Variants in ALDH18A1 observed in about 807,000 individuals in gnomAD.
The protein encoded by ALDH18A1 is delta-1-pyrroline-5-carboxylate synthase.
A neutral mutation model predicts 88.8 loss-of-function variants in ALDH18A1; 44 were observed. The observed-to-expected ratio is 0.50, with a 90% CI of 0.39 to 0.64. The LOEUF (loss-of-function observed/expected upper bound fraction) is 0.64. ALDH18A1 is among the 30% of genes least tolerant of loss of function. The pLI is 0.00. For synonymous variants in ALDH18A1, 331 were observed against 372.1 expected (o/e 0.89, Z 1.27); for missense variants, 782 against 1,009.5 (o/e 0.77, Z 3.05).
intron 2 of ALDH18A1, among the ~76,000 whole-genome samples, chr10:95,643,652 T>G (rs1047918574): frequency 3.9e-5 from 6 of 152,260 alleles, no homozygotes; most frequent in Non-Finnish European, 7.3e-5. Flanking sequence ...CATGTTAATT[T>G]CATATACATG....
intron 12 of ALDH18A1, 86 bp downstream of exon 12, chr10:95,620,945 A>AG: frequency 3.7e-6 from 5 of 1,369,266 alleles, no homozygotes; most frequent in Non-Finnish European, 5.0e-6. Flanking sequence ...AAAAAAAAAA[A>AG]AAAAGAAAAG....
intron 12 of ALDH18A1, among the ~76,000 whole-genome samples, chr10:95,620,262 T>A (rs1223970964): frequency 6.6e-6 from 1 of 152,116 alleles, no homozygotes; most frequent in Non-Finnish European, 1.5e-5. Flanking sequence ...TAGAATGGCA[T>A]TCATTAAAAA....
chr10:95,643,972 C>T (rs1291123712), intron 2 of ALDH18A1, among the ~76,000 whole-genome samples: 4 of 152,094 alleles, frequency 2.6e-5, no homozygotes, highest in Non-Finnish European at 4.4e-5. Flanking sequence ...GGTGAAACCC[C>T]GTCTCTACTA....
intron 7 of ALDH18A1, chr10:95,628,946 T>G (rs2097864197): frequency 4.4e-6 from 1 of 225,352 alleles, no homozygotes; most frequent in Non-Finnish European, 8.9e-6. Context: ...TCATTAACTC[T>G]CACAGTACCC....
intron 7 of ALDH18A1, among the ~76,000 whole-genome samples, chr10:95,632,492 T>G (rs1298886528): frequency 6.6e-6 from 1 of 152,134 alleles, no homozygotes; most frequent in African/African-American, 2.4e-5. Flanking sequence ...CAGCCCCGAG[T>G]AGCTGGAACC....
Position 95,628,445 on chromosome 10 carries a change from T to C in ALDH18A1, c.856A>G (p.Ile286Val), listed in dbSNP as rs970950298. 33 of 1,613,944 alleles carry C rather than the reference T, an allele frequency of 2.0e-5. No individual in the cohort carries two copies. The highest frequency in any genetic ancestry group is 2.8e-5 in the Non-Finnish European group (33 of 1,179,986). The change falls in exon 8 of 18, where the codon ATA becomes GTA. Residue 286 changes from isoleucine to valine, a missense_variant. By Grantham distance (29) the Ile-to-Val change is conservative. Coordinates refer to ENST00000371224, the MANE Select transcript of ALDH18A1 (RefSeq NM_002860.4). ...PGSDDAKLIDIFYPGDQQSVT... is the reference protein window; with the variant it reads ...PGSDDAKLIDVFYPGDQQSVT... Reference sequence around the variant, plus strand: ...GACTGCTGATCTCCGGGATAAAATATATCAATAAGCTTTGCATCATCTGAA... The same window carrying C: ...GACTGCTGATCTCCGGGATAAAATACATCAATAAGCTTTGCATCATCTGAA...
intron 13 of ALDH18A1, among the ~76,000 whole-genome samples, chr10:95,615,254 C>G (rs1432228228): frequency 6.6e-6 from 1 of 151,650 alleles, no homozygotes; most frequent in Non-Finnish European, 1.5e-5. Flanking sequence ...ACTGCTTGAG[C>G]CTAGGAGGCT....
At chr10:95,641,968 T>G (rs953455636) in intron 3 of ALDH18A1, among the ~76,000 whole-genome samples, 4 of 152,168 alleles carry the variant, frequency 2.6e-5, no homozygotes, top group African/African-American at 4.8e-5. Context: ...AGACAGGGTC[T>G]CACTTTGTTG....
At position 95,632,984 on chromosome 10, in the gene ALDH18A1, G is replaced by T; in HGVS notation, c.783C>A (p.Leu261=). The change falls in exon 7 of 18, where the codon CTC becomes CTA. Residue 261 remains leucine, a synonymous_variant. Transcript: ENST00000371224. ...ARLAVEMKTD[L]LIVLSDVEGL... is the part of the protein sequence containing the mutation. ...CTTCTACATCTGAAAGAACAATCAA[G>T]AGATCAGTTTTCATTTCCACAGCCA... 6.2e-7 allele frequency: 1 copy of T among 1,614,174 alleles called. No homozygotes were observed. The highest frequency in any genetic ancestry group is 8.5e-7 in the Non-Finnish European group (1 of 1,180,014).
chr10:95,607,655 C>T (rs774197066), intron 17 of ALDH18A1, among the ~76,000 whole-genome samples: 3 of 152,078 alleles, frequency 2.0e-5, no homozygotes, highest in Non-Finnish European at 4.4e-5. Context: ...TTATAGCAGG[C>T]GAGGCAGCCA....
chr10:95,654,538 A>C (rs1237986409), intron 1 of ALDH18A1, among the ~76,000 whole-genome samples: 1 of 151,864 alleles, frequency 6.6e-6, no homozygotes, highest in Non-Finnish European at 1.5e-5. Context: ...GGATTGGTGG[A>C]TATATCCCAG....
At chr10:95,625,206 G>A (rs988775502) in intron 11 of ALDH18A1, among the ~76,000 whole-genome samples, 156 bp downstream of exon 11, 1 of 152,076 alleles carries the variant, frequency 6.6e-6, no homozygotes, top group South Asian at 2.1e-4. Flanking sequence ...GAGAATACCA[G>A]CCACCCACCT....
At chr10:95,620,259 GCA>G (rs2097850123) in intron 12 of ALDH18A1, among the ~76,000 whole-genome samples, 4 of 152,178 alleles carry the variant, frequency 2.6e-5, no homozygotes, top group Non-Finnish European at 5.9e-5. Context: ...TGTTAGAATG[GCA>G]TTCATTAAAA....
chr10:95,652,611 T>C (rs1589580472), intron 2 of ALDH18A1, among the ~76,000 whole-genome samples: 2 of 152,174 alleles, frequency 1.3e-5, no homozygotes, highest in South Asian at 4.1e-4. Flanking sequence ...GATGCACACC[T>C]GTAATCCCAG....
Position 95,613,969 on chromosome 10 carries a change from G to C in ALDH18A1, c.1798C>G (p.Leu600Val), listed in dbSNP as rs1755139847. The change falls in exon 14 of 18, where the codon CTA (leucine) becomes GTA (valine). Residue 600 changes from leucine to valine, a missense_variant. Around this residue, in one of 3 missense-constraint regions of ALDH18A1, gnomAD observed 556 missense variants for 654.5 expected, o/e 0.85. Transcript: ENST00000371224. Reference protein sequence around the residue: ...SEASVDKVTRLVRDSKCEYPA... With the variant: ...SEASVDKVTRVVRDSKCEYPA... Reference sequence around the variant, plus strand: ...GAGAAGACCCCATCCAGCTCACCTAGCCTGGTGACCTTATCAACACTGGCC... The same window carrying C: ...GAGAAGACCCCATCCAGCTCACCTACCCTGGTGACCTTATCAACACTGGCC... 1 of 1,614,198 alleles carries C rather than the reference G, an allele frequency of 6.2e-7. No individual in the cohort carries two copies. The highest frequency in any genetic ancestry group is 1.3e-5 in the African/African-American group (1 of 75,044).
chr10:95,606,958 G>A lies in ALDH18A1; in HGVS notation c.2207-15C>T, dbSNP rs2097823948. On this transcript the variant is annotated splice_polypyrimidine_tract_variant and intron_variant, in intron 17 of 17. Transcript: ENST00000371224. ...CACTTCAGCTCCTGTGAAAAAGCAT[G>A]AATAAAAGATGTAGCTTTTCCCAGC... 6.2e-7 allele frequency: 1 copy of A among 1,613,004 alleles called. No homozygotes were observed. Among genetic ancestry groups the A allele is most frequent in the Non-Finnish European group, 8.5e-7 (1 of 1,179,352 alleles).
chr10:95,642,279 G>T (rs2097893193), intron 3 of ALDH18A1, among the ~76,000 whole-genome samples: 1 of 152,096 alleles, frequency 6.6e-6, no homozygotes, highest in Admixed American at 6.6e-5. Flanking sequence ...CTTCTGCAGA[G>T]CTGTGTAGTT....
rs886047513 is a variant in ALDH18A1 at position 95,628,459 on chromosome 10, G to A, written c.842C>T (p.Ala281Val). ...GGGATAAAATATATCAATAAGCTTT[G>A]CATCATCTGAACCTGGGGGGCTGTC... is the stretch of plus-strand genomic sequence containing the variant. ...LFDSPPGSDD[A>V]KLIDIFYPGD... Residue 281 changes from alanine (A) to valine (V), a missense_variant, in exon 8 of 18, where the codon GCA (alanine) becomes GTA (valine). Physicochemically the swap from Ala to Val is moderately conservative, Grantham distance 64. Around this residue, in one of 3 missense-constraint regions of ALDH18A1, gnomAD observed 556 missense variants for 654.5 expected, o/e 0.85. Coordinates refer to ENST00000371224, the MANE Select transcript of ALDH18A1 (RefSeq NM_002860.4). 2.5e-6 allele frequency: 4 copies of A among 1,613,810 alleles called. No homozygotes were observed. The highest frequency in any genetic ancestry group is 8.5e-7 in the Non-Finnish European group (1 of 1,179,972).
chr10:95,633,770 G>C, intron 5 of ALDH18A1, 121 bp from the exon 6 acceptor site: 1 of 757,146 alleles, frequency 1.3e-6, no homozygotes. Flanking sequence ...ACACAGATTA[G>C]AAGATTAGAA....
Sources: allele counts gnomAD v4.1 joint callset (sites outside exome capture counted in the v4.1 genomes callset), GRCh38; gene constraint gnomAD v4.1.1; regional missense constraint gnomAD v4.1.1; transcripts MANE v1.5; gene names NCBI Gene and HGNC (gene_info 2026-07-23, HGNC 2026-07-21).